The following CDH13 variants were observed in gnomAD, a reference collection of about 807,000 sequenced individuals.
CDH13 encodes the protein cadherin 13.
A neutral mutation model predicts 63.8 loss-of-function variants in CDH13; 24 were observed. The ratio of observed to expected loss-of-function variants is 0.38; its 90% CI spans 0.27 to 0.53. CDH13 has a LOEUF of 0.53. Ranked by LOEUF, CDH13 falls within the 20% of genes least tolerant of loss-of-function variation. The probability of loss-of-function intolerance (pLI) is 0.85; values close to 1 mark genes in which losing one functional copy is unlikely to be tolerated. For missense variants in CDH13, 1,049 were observed against 903.1 expected, an observed-to-expected ratio of 1.16 and a Z score of -2.07; for synonymous variants, 503 against 355.3, an observed-to-expected ratio of 1.42 and a Z score of -4.67.
At chr16:83,719,993 A>T (rs1909474571) in intron 10 of CDH13, among the ~76,000 whole-genome samples, 1 of 152,122 alleles carries the variant, frequency 6.6e-6, no homozygotes, top group Admixed American at 6.5e-5. Context: ...ACTGCACATC[A>T]GCGAGCCTCC....
At chr16:83,688,419 G>C (rs1164002794) in intron 10 of CDH13, among the ~76,000 whole-genome samples, 1 of 152,202 alleles carries the variant, frequency 6.6e-6, no homozygotes, top group East Asian at 1.9e-4. Context: ...TTCAAAACCA[G>C]ATTTAAGAGT....
intron 7 of CDH13, among the ~76,000 whole-genome samples, chr16:83,537,631 T>C (rs1311804955): frequency 7.9e-6 from 1 of 126,430 alleles, no homozygotes; most frequent in Non-Finnish European, 1.7e-5. Context: ...TTCTTAGACA[T>C]TATTTGTTCT....
At position 83,139,808 on chromosome 16, in the gene CDH13, C is replaced by T. The variant is rs2036453059; in HGVS notation, c.483+14307C>T. ...ACCTGAGGTCGGGAGTTTGAGACCA[C>T]CCTGACCAACATGGAGAAACCCCAT... On this transcript the variant is annotated intron_variant, in intron 4 of 13. Transcript: ENST00000567109. Among the ~76,000 whole-genome samples the T allele has an allele frequency of 2.0e-5, 3 of 151,984 alleles. No homozygotes were observed. The South Asian group carries it at 6.3e-4, about 32-fold the overall frequency.
chr16:83,722,776 G>A (rs750222875), intron 10 of CDH13, among the ~76,000 whole-genome samples: 1 of 152,128 alleles, frequency 6.6e-6, no homozygotes, highest in South Asian at 2.1e-4. Flanking sequence ...AGGCTGGGGG[G>A]GTGGATTTCA....
chr16:82,957,765 A>T (rs1273228005), intron 2 of CDH13, among the ~76,000 whole-genome samples: 2 of 152,264 alleles, frequency 1.3e-5, no homozygotes, highest in African/African-American at 4.8e-5. Flanking sequence ...ATATCTAGAA[A>T]TTACCTAGGA....
intron 13 of CDH13, 28 bp from the exon 14 acceptor site, chr16:83,794,995 G>A (rs369885097): frequency 5.9e-5 from 94 of 1,586,628 alleles, no homozygotes; most frequent in African/African-American, 8.1e-5. Flanking sequence ...TGATATTCCC[G>A]ACTTAACTCT....
rs145815162 is a variant in CDH13 at position 83,361,126 on chromosome 16, A to G, written c.781+16120A>G. Among the ~76,000 whole-genome samples the G allele has an allele frequency of 9.4e-3, 1,428 of 152,292 alleles. 17 individuals are homozygous for G. The highest frequency in any genetic ancestry group is 0.032 in the African/African-American group (1,325 of 41,576). On this transcript the variant is annotated intron_variant, in intron 6 of 13. Transcript: ENST00000567109. The stretch of plus-strand genomic sequence containing the variant: ...TGCTTTTTGACTTTTTAAAATAGCC[A>G]TTCCAACTGGTGTGACATGGTGTCT...
chr16:83,560,314 GAT>G (rs374329381), intron 7 of CDH13, among the ~76,000 whole-genome samples: 272 of 152,326 alleles, frequency 1.8e-3, no homozygotes, highest in African/African-American at 6.3e-3. Flanking sequence ...GCATTTGATA[GAT>G]AATGCAATGG....
At chr16:83,702,389 C>T (rs1002483978) in intron 10 of CDH13, among the ~76,000 whole-genome samples, 7 of 152,286 alleles carry the variant, frequency 4.6e-5, no homozygotes, top group East Asian at 1.9e-4. Context: ...TGCTCCATAA[C>T]GTTCAGAGAT....
intron 6 of CDH13, chr16:83,397,480 T>G (rs2091905428): frequency 6.6e-6 from 1 of 152,320 alleles, no homozygotes; most frequent in South Asian, 2.1e-4. Flanking sequence ...TTGTTCTTGA[T>G]ATGCAGACTA....
chr16:83,018,293 C>T (rs1016427572), intron 2 of CDH13, among the ~76,000 whole-genome samples: 37 of 152,284 alleles, frequency 2.4e-4, no homozygotes, highest in African/African-American at 7.2e-4. Context: ...AGCTTCTAGA[C>T]GCTAAGTATC....
At chr16:83,751,447 C>A (rs1420910980) in intron 11 of CDH13, among the ~76,000 whole-genome samples, 1 of 151,734 alleles carries the variant, frequency 6.6e-6, no homozygotes, top group Non-Finnish European at 1.5e-5. Flanking sequence ...AAAAAATATA[C>A]CTCCCCTCCA....
chr16:83,677,161 A>G (rs1296060779), intron 9 of CDH13, among the ~76,000 whole-genome samples: 1 of 152,196 alleles, frequency 6.6e-6, no homozygotes, highest in Non-Finnish European at 1.5e-5. Context: ...CCACTCTGGG[A>G]AATGCTGCAC....
chr16:83,736,291 T>C (rs559594346), intron 10 of CDH13, among the ~76,000 whole-genome samples: 1 of 152,370 alleles, frequency 6.6e-6, no homozygotes, highest in East Asian at 1.9e-4. Context: ...AGTGTATTTC[T>C]GGATTTCAGA....
chr16:82,838,373 T>G (rs2038861508), intron 1 of CDH13, among the ~76,000 whole-genome samples: 1 of 152,208 alleles, frequency 6.6e-6, no homozygotes, highest in Admixed American at 6.5e-5. Flanking sequence ...AGGTGGTAGG[T>G]GTTCAATATT....
At chr16:83,476,435 G>C (rs1352417075) in intron 6 of CDH13, among the ~76,000 whole-genome samples, 1 of 152,234 alleles carries the variant, frequency 6.6e-6, no homozygotes, top group African/African-American at 2.4e-5. Context: ...CACTTTGAGA[G>C]GCCAAGGTGG....
chr16:83,091,359 A>G (rs1055616714), intron 3 of CDH13, among the ~76,000 whole-genome samples: 2 of 152,196 alleles, frequency 1.3e-5, no homozygotes, highest in East Asian at 1.9e-4. Flanking sequence ...AGTAGGAGGC[A>G]TATTTTTCCC....
At chr16:83,070,198 TTAAC>T (rs1431608069) in intron 3 of CDH13, among the ~76,000 whole-genome samples, 1 of 152,200 alleles carries the variant, frequency 6.6e-6, no homozygotes, top group African/African-American at 2.4e-5. Flanking sequence ...TTTAAAATCA[TTAAC>T]TATCCTTTAA....
rs539101572 is a variant in CDH13 at position 83,678,127 on chromosome 16, G to GA, written c.1285-81_1285-80insA. ...TCCCTGAAGGCCCACTGTTGCTCGT[G>GA]GAATTTCAGAGGAAGTTGATGCAAA... On this transcript the variant is annotated intron_variant, in intron 9 of 13. Coordinates refer to ENST00000567109, the MANE Select transcript of CDH13 (RefSeq NM_001257.5). The GA allele has an allele frequency of 2.9e-4, 423 of 1,479,150 alleles. 1 individual carries two copies. Among genetic ancestry groups the GA allele is most frequent in the Non-Finnish European group, 3.8e-4 (409 of 1,085,686 alleles). The allele number at this position is 1,479,150 out of a possible 1,614,324, so 91.6% of individuals were successfully genotyped here. A position where few individuals can be genotyped will look rare whatever the true frequency, so the allele number is the denominator to read the frequency against.
Sources: allele counts gnomAD v4.1 joint callset (sites outside exome capture counted in the v4.1 genomes callset), GRCh38; gene constraint gnomAD v4.1.1; transcripts MANE v1.5; gene names NCBI Gene and HGNC (gene_info 2026-07-23, HGNC 2026-07-21).